The following FAT4 variants were observed in gnomAD, a reference collection of about 807,000 sequenced individuals.
FAT4 encodes FAT atypical cadherin 4.
A neutral mutation model predicts 303.9 loss-of-function variants in FAT4; 84 were observed. That is an observed-to-expected ratio of 0.28 (90% CI 0.23 to 0.33). The LOEUF (loss-of-function observed/expected upper bound fraction) is 0.33. Among genes scored for constraint, FAT4 ranks in the 10% least tolerant of loss-of-function variants. The pLI is 1.00. For missense variants in FAT4, 6,005 were observed against 6,146.8 expected (o/e 0.98, Z 0.77); for synonymous variants, 2,307 against 2,298.8 (o/e 1.00, Z -0.10).
chr4:125,335,726 G>C (rs1164113683), intron 2 of FAT4, among the ~76,000 whole-genome samples: 2 of 151,384 alleles, frequency 1.3e-5, no homozygotes, highest in African/African-American at 4.9e-5. Flanking sequence ...TTTCTGCATG[G>C]TGAAATATTA....
chr4:125,365,671 A>G (rs2125988034), intron 2 of FAT4, among the ~76,000 whole-genome samples: 1 of 152,330 alleles, frequency 6.6e-6, no homozygotes, highest in Admixed American at 6.5e-5. Flanking sequence ...AGCTGTAGGA[A>G]AAGAGGAAAG....
chr4:125,320,002 T>A lies in FAT4; in HGVS notation c.3591T>A (p.His1197Gln), dbSNP rs1730861134. Residue 1197 changes from histidine to glutamine, a missense_variant, in exon 2 of 18, where the codon CAT becomes CAA. Transcript: ENST00000394329. ...PQPLKDQATV[H>Q]VYMKDINDNA... Reference sequence around the variant, plus strand: ...CTCTCAAGGATCAGGCCACTGTACATGTTTACATGAAGGATATAAATGATA... The same window carrying A: ...CTCTCAAGGATCAGGCCACTGTACAAGTTTACATGAAGGATATAAATGATA... 2 of 1,612,924 alleles carry A rather than the reference T, an allele frequency of 1.2e-6. No homozygotes were observed. The highest frequency in any genetic ancestry group is 1.7e-6 in the Non-Finnish European group (2 of 1,180,040).
rs868049087 is a variant in FAT4 at position 125,360,965 on chromosome 4, T to G, written c.5176-37819T>G. Among the ~76,000 whole-genome samples, 68 of 146,260 alleles carry G rather than the reference T, an allele frequency of 4.6e-4. No homozygotes were observed. The Middle Eastern group carries it at 0.022, about 47-fold the overall frequency. On this transcript the variant is annotated intron_variant, in intron 2 of 17. Transcript: ENST00000394329. ...TATTTTTATTTTATTTTATTTATAT[T>G]TTTATTATTATTTATTTTATTTATT...
chr4:125,371,193 G>A (rs1402030101), intron 2 of FAT4, among the ~76,000 whole-genome samples: 2 of 150,826 alleles, frequency 1.3e-5, no homozygotes, highest in Non-Finnish European at 3.0e-5. Context: ...CTACTGATAG[G>A]CATTATTTTA....
rs550206877 is a variant in FAT4 at position 125,426,329 on chromosome 4, A to G, written c.7019-7916A>G. Among the ~76,000 whole-genome samples, 4 of 152,200 alleles carry G rather than the reference A, an allele frequency of 2.6e-5. No individual in the cohort carries two copies. In the South Asian group the frequency reaches 8.3e-4, roughly 32 times the overall value. On this transcript the variant is annotated intron_variant, in intron 7 of 17. Transcript: ENST00000394329. ...TTGCTTGAAAACTTTTAAGGCCCCA[A>G]TAATTCTATAAATCAAATCATGCTA...
intron 8 of FAT4, among the ~76,000 whole-genome samples, chr4:125,443,714 C>T (rs1229758798): frequency 6.6e-6 from 1 of 152,078 alleles, no homozygotes; most frequent in East Asian, 1.9e-4. Context: ...AAATGTTTAA[C>T]TGTTAAGAAG....
intron 3 of FAT4, among the ~76,000 whole-genome samples, chr4:125,400,951 GT>G (rs1734366239): frequency 6.6e-6 from 1 of 151,940 alleles, no homozygotes; most frequent in Non-Finnish European, 1.5e-5. Flanking sequence ...TATGTATGAG[GT>G]GTGACTGTGC....
chr4:125,481,971 A>G lies in FAT4; in HGVS notation c.12822+233A>G, dbSNP rs534062389. On this transcript the variant is annotated intron_variant, in intron 16 of 17. Transcript: ENST00000394329. ...CTTTTGTGTTGCTTTAGAGTAGAGA[A>G]CCCTGCCAGGTAGGCCAGCACACAA... Among the ~76,000 whole-genome samples, 3 of 152,266 alleles carry G rather than the reference A, an allele frequency of 2.0e-5. No individual in the cohort carries two copies. In the South Asian group the frequency reaches 6.2e-4, roughly 32 times the overall value.
chr4:125,377,331 CA>C (rs141299885), intron 2 of FAT4, among the ~76,000 whole-genome samples: 4 of 149,376 alleles, frequency 2.7e-5, no homozygotes, highest in African/African-American at 4.9e-5. Context: ...CATTCTTTAT[CA>C]AAAAAAAACA....
Position 125,439,299 on chromosome 4 carries a change from A to G in FAT4, c.7199+4874A>G, listed in dbSNP as rs193076950. Among the ~76,000 whole-genome samples the G allele has an allele frequency of 1.8e-4, 27 of 150,592 alleles. No individual in the cohort carries two copies. In the East Asian group the frequency reaches 4.9e-3, roughly 27 times the overall value. On this transcript the variant is annotated intron_variant, in intron 8 of 17. Coordinates refer to ENST00000394329, the MANE Select transcript of FAT4 (RefSeq NM_001291303.3). ...AACCCTGGAGACAGCCACAAACTCC[A>G]CTGACAAAGTCAACATTCTAAGGAA...
intron 2 of FAT4, among the ~76,000 whole-genome samples, chr4:125,381,743 G>A (rs1340266013): frequency 6.6e-6 from 1 of 152,116 alleles, no homozygotes; most frequent in Non-Finnish European, 1.5e-5. Flanking sequence ...TGTCATGAAA[G>A]ATTTCTCTGT....
intron 10 of FAT4, among the ~76,000 whole-genome samples, chr4:125,453,038 A>G (rs1164000121): frequency 1.3e-5 from 2 of 152,314 alleles, no homozygotes; most frequent in East Asian, 1.9e-4. Context: ...TCCAGTTTCT[A>G]TAGGCAAGGA....
intron 2 of FAT4, among the ~76,000 whole-genome samples, chr4:125,339,679 A>G (rs901771959): frequency 2.6e-5 from 4 of 152,166 alleles, no homozygotes; most frequent in African/African-American, 9.7e-5. Context: ...CGTTGTTATT[A>G]CCATTTCACT....
At chr4:125,356,187 G>C (rs1732416768) in intron 2 of FAT4, among the ~76,000 whole-genome samples, 1 of 151,876 alleles carries the variant, frequency 6.6e-6, no homozygotes, top group African/African-American at 2.4e-5. Context: ...GTACACCCTG[G>C]CTGCATTCCT....
In FAT4 at chr4:125,315,255, T is replaced by C. The variant is rs1203852734; in HGVS notation, c.-735T>C. 6.6e-6 allele frequency among the ~76,000 whole-genome samples: 1 copy of C among 152,062 alleles called. No homozygotes were observed. Among genetic ancestry groups the C allele is most frequent in the Non-Finnish European group, 1.5e-5 (1 of 68,024 alleles). ...CGTCCGGAGCTGCGGAGGGCGTCACTACAGCCCAGCGCCGACTTCGCCGCC... is the reference window on the plus strand; with the variant it reads ...CGTCCGGAGCTGCGGAGGGCGTCACCACAGCCCAGCGCCGACTTCGCCGCC... On this transcript the variant is annotated 5_prime_UTR_variant, in exon 1 of 18. Coordinates refer to ENST00000394329, the MANE Select transcript of FAT4 (RefSeq NM_001291303.3).
chr4:125,484,002 T>TTCTCTC (rs67727570), intron 16 of FAT4, among the ~76,000 whole-genome samples: 36 of 129,714 alleles, frequency 2.8e-4, no homozygotes, highest in East Asian at 9.2e-4. Flanking sequence ...ATGGTTTGCA[T>TTCTCTC]TCTCTCTCTC....
intron 2 of FAT4, among the ~76,000 whole-genome samples, chr4:125,351,312 A>G (rs1449080228): frequency 6.6e-6 from 1 of 151,778 alleles, no homozygotes; most frequent in East Asian, 1.9e-4. Context: ...TGATACAGTA[A>G]CTACTTTAGA....
Position 125,316,086 on chromosome 4 carries a change from A to G in FAT4, c.-13+109A>G, listed in dbSNP as rs7677005. 0.31 allele frequency among the ~76,000 whole-genome samples: 46,376 copies of G among 152,016 alleles called. 7,537 individuals carry two copies. Among genetic ancestry groups the G allele is most frequent in the Non-Finnish European group, 0.37 (25,454 of 67,960 alleles). ...CCACCCGGGTGAAAACGCTCAGACT[A>G]TCTGGATTCAAAAACAAAGTAAAAG... On this transcript the variant is annotated intron_variant, in intron 1 of 17. Coordinates refer to ENST00000394329, the MANE Select transcript of FAT4 (RefSeq NM_001291303.3). This position sits in a 1 kb window ranked among gnomAD's most constrained non-coding sequence, Gnocchi z 5.7.
chr4:125,485,930 T>C (rs1202464732), intron 16 of FAT4, among the ~76,000 whole-genome samples: 1 of 152,150 alleles, frequency 6.6e-6, no homozygotes, highest in Non-Finnish European at 1.5e-5. Context: ...AAGCAAAAAT[T>C]AGCATGATGT....
Sources: gnomAD v4.1 joint callset for allele counts (sites outside exome capture counted in the v4.1 genomes callset) on GRCh38, gnomAD v4.1.1 for gene constraint, Gnocchi (gnomAD v3.1) non-coding constraint, MANE v1.5 for transcripts, NCBI Gene and HGNC (gene_info 2026-07-23, HGNC 2026-07-21) for gene names.